Variants in RAPH1 observed in about 807,000 individuals in gnomAD.
The protein encoded by RAPH1 is ras-associated and pleckstrin homology domains-containing protein 1.
A neutral mutation model predicts 88.1 loss-of-function variants in RAPH1; 18 were observed. That is an observed-to-expected ratio of 0.20 (90% CI 0.14 to 0.30). RAPH1 has a LOEUF of 0.30. RAPH1 is among the 10% of genes least tolerant of loss of function. RAPH1 has a pLI of 1.00. For missense variants in RAPH1, 1,448 were observed against 1,543.2 expected (o/e 0.94, Z 1.03); for synonymous variants, 587 against 559.0 (o/e 1.05, Z -0.71).
chr2:203,516,933 C>T (rs1432552087), intron 1 of RAPH1, among the ~76,000 whole-genome samples: 4 of 151,580 alleles, frequency 2.6e-5, no homozygotes, highest in Admixed American at 6.6e-5. Flanking sequence ...ACTCGGGAGG[C>T]TGAGGCAGGA....
chr2:203,534,555 T>C (rs1690533306), intron 1 of RAPH1, among the ~76,000 whole-genome samples: 1 of 121,556 alleles, frequency 8.2e-6, no homozygotes, highest in South Asian at 3.0e-4. Context: ...CCGGCGGGAA[T>C]GTATAATACA....
At chr2:203,531,569 G>C (rs2106014907) in intron 1 of RAPH1, among the ~76,000 whole-genome samples, 1 of 152,258 alleles carries the variant, frequency 6.6e-6, no homozygotes, top group Admixed American at 6.5e-5. Flanking sequence ...AATGAGTCAA[G>C]GACTTGGATA....
intron 1 of RAPH1, among the ~76,000 whole-genome samples, chr2:203,534,572 A>C (rs1170963021): frequency 7.4e-6 from 1 of 134,764 alleles, no homozygotes; most frequent in East Asian, 2.4e-4. Context: ...TACAGACCGC[A>C]AGAGGAGACG....
At chr2:203,477,433 G>A (rs1347850566) in intron 4 of RAPH1, among the ~76,000 whole-genome samples, 2 of 152,166 alleles carry the variant, frequency 1.3e-5, no homozygotes, top group South Asian at 2.1e-4. Context: ...GAAACATTAT[G>A]TCTAATACCA....
At chr2:203,476,383 C>CTGG (rs1379676250) in intron 4 of RAPH1, among the ~76,000 whole-genome samples, 1 of 152,132 alleles carries the variant, frequency 6.6e-6, no homozygotes, top group Admixed American at 6.6e-5. Context: ...GTTGGCCAGG[C>CTGG]TGGTCTTGAA....
intron 2 of RAPH1, 39 bp from the exon 3 acceptor site, chr2:203,491,358 G>A: frequency 7.5e-7 from 1 of 1,332,732 alleles, no homozygotes; most frequent in Non-Finnish European, 1.1e-6. Flanking sequence ...ATTAAATTCA[G>A]GTTTCAATAA....
intron 10 of RAPH1, among the ~76,000 whole-genome samples, chr2:203,449,909 G>A (rs557329059): frequency 6.6e-6 from 1 of 151,906 alleles, no homozygotes; most frequent in South Asian, 2.1e-4. Context: ...TGTAATCCCA[G>A]CTACTCAGGA....
In RAPH1 at chr2:203,441,331, G is replaced by C; in HGVS notation, c.1859C>G (p.Thr620Ser). The change falls in exon 14 of 14, where the codon ACT (threonine) becomes AGT (serine). Residue 620 changes from threonine (T) to serine (S), a missense_variant. By Grantham distance (58) the Thr-to-Ser change is moderately conservative (BLOSUM62 1). Coordinates refer to ENST00000319170, the MANE Select transcript of RAPH1 (RefSeq NM_213589.3). ...SPQPKIVTPY[T>S]ASQPSPPLPP... ...TAGAGGTGGTGAAGGCTGTGAAGCA[G>C]TGTAGGGGGTGACTATCTTAGGTTG... 6.4e-7 allele frequency: 1 copy of C among 1,574,078 alleles called. No homozygotes were observed. The highest frequency in any genetic ancestry group is 8.6e-7 in the Non-Finnish European group (1 of 1,161,798).
chr2:203,520,878 CAA>C (rs1040792388), intron 1 of RAPH1, among the ~76,000 whole-genome samples: 17 of 152,098 alleles, frequency 1.1e-4, no homozygotes, highest in African/African-American at 3.9e-4. Flanking sequence ...TCTAAGTGTC[CAA>C]CTGGAGCACC....
intron 1 of RAPH1, among the ~76,000 whole-genome samples, chr2:203,499,669 T>C (rs1688656794): frequency 6.6e-6 from 1 of 151,978 alleles, no homozygotes; most frequent in Admixed American, 6.6e-5. Context: ...GCCAAGATCG[T>C]GCCATTGCTC....
chr2:203,512,188 G>C (rs1689371407), intron 1 of RAPH1, among the ~76,000 whole-genome samples: 2 of 151,358 alleles, frequency 1.3e-5, no homozygotes, highest in South Asian at 4.2e-4. Flanking sequence ...CAACACTTTG[G>C]GAGGCCCAGG....
At chr2:203,527,255 T>C (rs1690162841) in intron 1 of RAPH1, among the ~76,000 whole-genome samples, 1 of 152,174 alleles carries the variant, frequency 6.6e-6, no homozygotes, top group African/African-American at 2.4e-5. Context: ...AATACATATT[T>C]ATCCTTAACA....
chr2:203,528,807 C>T (rs1016645247), intron 1 of RAPH1, among the ~76,000 whole-genome samples: 4 of 151,604 alleles, frequency 2.6e-5, no homozygotes, highest in Non-Finnish European at 4.4e-5. Flanking sequence ...ATTTCCTTTA[C>T]CAGTTTCCAA....
At chr2:203,473,833 A>G (rs964072971) in intron 4 of RAPH1, among the ~76,000 whole-genome samples, 3 of 152,120 alleles carry the variant, frequency 2.0e-5, no homozygotes, top group African/African-American at 7.2e-5. Context: ...CTTATTTTCA[A>G]TCCATTTTAT....
At chr2:203,486,490 C>T (rs1407424071) in intron 4 of RAPH1, among the ~76,000 whole-genome samples, 1 of 152,060 alleles carries the variant, frequency 6.6e-6, no homozygotes, top group Non-Finnish European at 1.5e-5. Flanking sequence ...ATAGGTAATA[C>T]ATACCACTAA....
rs1302472791 is a variant in RAPH1, at chr2:203,433,972, C to CTT, written c.*5463_*5464dup. ...CTGGCAAGAGTAACTTGGAAAATAA[C>CTT]TTAATCCAGCAGAACAAAAACATCC... is the stretch of plus-strand genomic sequence containing the variant. On this transcript the variant is annotated 3_prime_UTR_variant, in exon 14 of 14. Coordinates refer to ENST00000319170, the MANE Select transcript of RAPH1 (RefSeq NM_213589.3). The CTT allele has an allele frequency of 2.6e-5, 4 of 152,244 alleles. No individual in the cohort carries two copies. In the East Asian group the frequency reaches 7.7e-4, roughly 29 times the overall value. The allele number at this position is 152,244 out of a possible 1,614,324, so 9.4% of individuals were successfully genotyped here.
chr2:203,440,856 G>A lies in RAPH1; in HGVS notation c.2334C>T (p.Pro778=). 6.5e-7 allele frequency: 1 copy of A among 1,533,886 alleles called. No homozygotes were observed. Among genetic ancestry groups the A allele is most frequent in the Non-Finnish European group, 8.9e-7 (1 of 1,129,704 alleles). Residue 778 remains proline, a synonymous_variant, in exon 14 of 14, where the codon CCC becomes CCT. Coordinates refer to ENST00000319170, the MANE Select transcript of RAPH1 (RefSeq NM_213589.3). ...PIPAPLPPQA[P]PKPLVTIPAP... is the part of the protein sequence containing the mutation. ...CGGGGATGGTCACAAGGGGTTTTGG[G>A]GGAGCTTGGGGAGGGAGGGGTGCAG...
rs1316581139 is a variant in RAPH1, at chr2:203,448,701, C to T, written c.1512+37G>A. ...ACGAAAACTATATCATCGACAAACA[C>T]CTCATTATTCCATCATCAAATCAAA... On this transcript the variant is annotated intron_variant, in intron 11 of 13. Transcript: ENST00000319170. The surrounding 1 kb of genome is among the most constrained non-coding windows in gnomAD (Gnocchi z 4.1). 7.3e-7 allele frequency: 1 copy of T among 1,373,766 alleles called. No homozygotes were observed. The highest frequency in any genetic ancestry group is 1.0e-6 in the Non-Finnish European group (1 of 981,526). 85.1% of individuals were successfully genotyped at this position (1,373,766 alleles called of 1,614,324 possible). A position where few individuals can be genotyped will look rare whatever the true frequency, so the allele number is the denominator to read the frequency against.
rs1559458773 is a variant in RAPH1 at position 203,457,555 on chromosome 2, T to C, written c.1133A>G (p.Asp378Gly). Residue 378 changes from aspartate to glycine, a missense_variant, in exon 8 of 14, where the codon GAT becomes GGT. Transcript: ENST00000319170. ...CTCCAAGAGGACTTCTTTGTTTCTA[T>C]CTGCCATCTCAGCTGTTTCTTTTTT... is the stretch of plus-strand genomic sequence containing the variant. ...LGKKETAEMA[D>G]RNKEVLLEEC... is the part of the protein sequence containing the mutation. 2.5e-6 allele frequency: 4 copies of C among 1,612,702 alleles called. No homozygotes were observed. The highest frequency in any genetic ancestry group is 3.4e-6 in the Non-Finnish European group (4 of 1,178,854).
Sources: gnomAD v4.1 joint callset for allele counts (sites outside exome capture counted in the v4.1 genomes callset) on GRCh38, gnomAD v4.1.1 for gene constraint, Gnocchi (gnomAD v3.1) non-coding constraint, MANE v1.5 for transcripts, NCBI Gene and HGNC (gene_info 2026-07-23, HGNC 2026-07-21) for gene names.